The following CATSPERT variants were observed in gnomAD, a reference collection of about 807,000 sequenced individuals.
CATSPERT encodes the protein cation channel sperm-associated targeting subunit tau.
the CATSPERT span, among the ~76,000 whole-genome samples, chr2:201,544,979 A>G: frequency 6.7e-6 from 1 of 150,030 alleles, no homozygotes; most frequent in Non-Finnish European, 1.5e-5. Context: ...CCTGGGTGAC[A>G]GAACTAGACC....
chr2:201,552,460 G>A, the CATSPERT span, among the ~76,000 whole-genome samples: 1 of 152,166 alleles, frequency 6.6e-6, no homozygotes, highest in South Asian at 2.1e-4. Flanking sequence ...CAAGATAAAT[G>A]AATCCAGCAT....
chr2:201,561,069 C>T, the CATSPERT span, among the ~76,000 whole-genome samples: 2 of 152,222 alleles, frequency 1.3e-5, no homozygotes, highest in African/African-American at 4.8e-5. Flanking sequence ...GCGTGAGCCA[C>T]CACGCCCGGC....
chr2:201,553,748 A>T, the CATSPERT span: 1 of 152,220 alleles, frequency 6.6e-6, no homozygotes, highest in Non-Finnish European at 1.5e-5. Flanking sequence ...ACTTGTAATC[A>T]TCACATTCTG....
chr2:201,547,662 A>C, the CATSPERT span: 1 of 898,438 alleles, frequency 1.1e-6, no homozygotes, highest in Non-Finnish European at 1.6e-6. Flanking sequence ...AGAAGAATAC[A>C]TATGGTATGA....
At chr2:201,539,066 T>C in the CATSPERT span, among the ~76,000 whole-genome samples, 3 of 152,198 alleles carry the variant, frequency 2.0e-5, no homozygotes, top group Admixed American at 2.0e-4. Context: ...CAGTCTACCA[T>C]TGATGGGCAT....
At chr2:201,530,961 G>GTTTTTTTTTTTTTTTTTTTTTTTTTT in the CATSPERT span, among the ~76,000 whole-genome samples, 1 of 106,042 alleles carries the variant, frequency 9.4e-6, no homozygotes, top group Non-Finnish European at 1.9e-5. Flanking sequence ...TTTTTTGTGG[G>GTTTTTTTTTTTTTTTTTTTTTTTTTT]TTTTTTTTTT....
chr2:201,538,344 C>G, the CATSPERT span, among the ~76,000 whole-genome samples: 1 of 151,950 alleles, frequency 6.6e-6, no homozygotes, highest in Non-Finnish European at 1.5e-5. Context: ...GCAGGATTTC[C>G]TTATTTTTAA....
chr2:201,555,502 G>A, the CATSPERT span: 1 of 152,238 alleles, frequency 6.6e-6, no homozygotes, highest in East Asian at 1.9e-4. Flanking sequence ...GAGACACAGC[G>A]AGACTCTGTC....
chr2:201,507,070 A>T, the CATSPERT span, among the ~76,000 whole-genome samples: 3 of 152,250 alleles, frequency 2.0e-5, no homozygotes, highest in Non-Finnish European at 2.9e-5. Flanking sequence ...TAGAAATATT[A>T]GAAGTCAGGA....
the CATSPERT span, chr2:201,565,702 T>C: frequency 1.4e-6 from 2 of 1,453,678 alleles, no homozygotes; most frequent in Non-Finnish European, 1.8e-6. Context: ...TGAGCTCTTT[T>C]GAATTTTTTT....
chr2:201,493,328 C>G, the CATSPERT span: 1 of 1,536,716 alleles, frequency 6.5e-7, no homozygotes. Flanking sequence ...ATAAATTCAG[C>G]TCTACTAACA....
the CATSPERT span, among the ~76,000 whole-genome samples, chr2:201,577,765 T>C: frequency 1.3e-5 from 2 of 152,246 alleles, no homozygotes; most frequent in Admixed American, 1.3e-4. Flanking sequence ...AAGATGTGTA[T>C]AAAGTTAGAC....
chr2:201,609,429 T>G, the CATSPERT span, among the ~76,000 whole-genome samples: 1 of 152,220 alleles, frequency 6.6e-6, no homozygotes, highest in African/African-American at 2.4e-5. Flanking sequence ...CATGACAGAC[T>G]ATATCTTAGG....
At chr2:201,595,459 AT>A in the CATSPERT span, among the ~76,000 whole-genome samples, 2 of 152,166 alleles carry the variant, frequency 1.3e-5, no homozygotes, top group East Asian at 3.9e-4. Flanking sequence ...AAGTGCTGGG[AT>A]TACAGGCGTG....
At chr2:201,532,303 A>T in the CATSPERT span, among the ~76,000 whole-genome samples, 3 of 152,224 alleles carry the variant, frequency 2.0e-5, no homozygotes, top group Non-Finnish European at 2.9e-5. Flanking sequence ...AACATATTTC[A>T]TTCACCTAGA....
the CATSPERT span, among the ~76,000 whole-genome samples, chr2:201,510,317 G>A: frequency 2.8e-5 from 4 of 143,240 alleles, no homozygotes; most frequent in African/African-American, 6.1e-5. Flanking sequence ...GGTGGTGTGC[G>A]CCTATAGTCC....
the CATSPERT span, among the ~76,000 whole-genome samples, chr2:201,570,243 T>C: frequency 5.8e-4 from 89 of 152,264 alleles, no homozygotes; most frequent in Non-Finnish European, 9.7e-4. Flanking sequence ...GATCCAACTT[T>C]ATGTTCCTTC....
At chr2:201,605,310 C>G in the CATSPERT span, among the ~76,000 whole-genome samples, 2 of 152,086 alleles carry the variant, frequency 1.3e-5, no homozygotes, top group African/African-American at 4.8e-5. Context: ...GTTGGTAGTT[C>G]ACAGCAATGG....
chr2:201,604,065 G>C, the CATSPERT span, among the ~76,000 whole-genome samples: 2 of 151,868 alleles, frequency 1.3e-5, no homozygotes. Flanking sequence ...GTCTTGTTCT[G>C]TACTTTGAAA....
Sources: gnomAD v4.1 joint callset for allele counts (sites outside exome capture counted in the v4.1 genomes callset) on GRCh38, gnomAD v4.1.1 for gene constraint, MANE v1.5 for transcripts, NCBI Gene and HGNC (gene_info 2026-07-23, HGNC 2026-07-21) for gene names.